Variants in ADGRA1 observed in about 807,000 individuals in gnomAD.
The protein encoded by ADGRA1 is adhesion G protein-coupled receptor A1, also known as G-protein coupled receptor 123.
A neutral mutation model predicts 21.3 loss-of-function variants in ADGRA1; 12 were observed. The ratio of observed to expected loss-of-function variants is 0.56; its 90% CI spans 0.36 to 0.91. The LOEUF is 0.91. ADGRA1 is among the 40% of genes least tolerant of loss of function. The pLI, the probability that ADGRA1 is intolerant of heterozygous loss-of-function variation, is 0.01. For missense variants in ADGRA1, 790 were observed against 805.6 expected, an observed-to-expected ratio of 0.98 and a Z score of 0.23; for synonymous variants, 385 against 368.8, an observed-to-expected ratio of 1.04 and a Z score of -0.50.
chr10:133,091,727 C>A (rs1326437577), intron 2 of ADGRA1, among the ~76,000 whole-genome samples: 1 of 152,230 alleles, frequency 6.6e-6, no homozygotes, highest in Non-Finnish European at 1.5e-5. Flanking sequence ...GGCTGGGGGA[C>A]CCCAGAGACC....
rs778201085 is a variant in ADGRA1 at position 133,102,863 on chromosome 10, C to T, written c.401+21C>T. 18 of 1,591,960 alleles carry T rather than the reference C, an allele frequency of 1.1e-5. No homozygotes were observed. The South Asian group carries it at 1.2e-4, about 11-fold the overall frequency. On this transcript the variant is annotated intron_variant, in intron 5 of 6. Transcript: ENST00000392607. Reference sequence around the variant, plus strand: ...CTCAGGTACTGAGTGCACATGGGCGCGAGGCCCCGCCACCTGGGCCCTGGA... The same window carrying T: ...CTCAGGTACTGAGTGCACATGGGCGTGAGGCCCCGCCACCTGGGCCCTGGA...
intron 5 of ADGRA1, among the ~76,000 whole-genome samples, chr10:133,115,754 C>T (rs1375183160): frequency 6.6e-6 from 1 of 152,154 alleles, no homozygotes; most frequent in Non-Finnish European, 1.5e-5. Context: ...GGCTGCAAGC[C>T]TCCAACCCTC....
intron 2 of ADGRA1, among the ~76,000 whole-genome samples, chr10:133,091,040 A>G (rs1273450790): frequency 6.6e-6 from 1 of 152,266 alleles, no homozygotes; most frequent in Non-Finnish European, 1.5e-5. Context: ...GTTAACGAGC[A>G]AAAGCAAATG....
chr10:133,126,871 TG>T (rs1201769595), intron 5 of ADGRA1, among the ~76,000 whole-genome samples: 1 of 152,030 alleles, frequency 6.6e-6, no homozygotes, highest in African/African-American at 2.4e-5. Flanking sequence ...GGGGACCCGG[TG>T]GGACGCACAG....
chr10:133,117,433 C>T lies in ADGRA1; in HGVS notation c.402-9800C>T, dbSNP rs570902789. ...AGCCCCACAGAGGCCAAGCGCTCAG[C>T]GTGGCCACACCAGACCTGCCCCCTG... On this transcript the variant is annotated intron_variant, in intron 5 of 6. Coordinates refer to ENST00000392607, the MANE Select transcript of ADGRA1 (RefSeq NM_001083909.3). Among the ~76,000 whole-genome samples, 8 of 152,342 alleles carry T rather than the reference C, an allele frequency of 5.3e-5. No homozygotes were observed. In the South Asian group the frequency reaches 6.2e-4, roughly 12 times the overall value.
At chr10:133,101,993 G>A (rs1478272212) in intron 4 of ADGRA1, among the ~76,000 whole-genome samples, 1 of 152,228 alleles carries the variant, frequency 6.6e-6, no homozygotes, top group African/African-American at 2.4e-5. Flanking sequence ...GCGAATCTCT[G>A]TATTCCTTAA....
intron 2 of ADGRA1, chr10:133,093,174 C>A (rs1240367367): frequency 1.3e-6 from 2 of 1,595,456 alleles, no homozygotes; most frequent in African/African-American, 1.3e-5. Context: ...GGACACCTCA[C>A]CCGCAGGGAG....
chr10:133,113,428 A>G (rs1348525063), intron 5 of ADGRA1, among the ~76,000 whole-genome samples: 1 of 152,146 alleles, frequency 6.6e-6, no homozygotes, highest in African/African-American at 2.4e-5. Flanking sequence ...CACCCCATGG[A>G]TGAGTGATTT....
At position 133,127,275 on chromosome 10, in the gene ADGRA1, G is replaced by A. The variant is rs11101941; in HGVS notation, c.444G>A (p.Gly148=). The change falls in exon 6 of 7, where the codon GGG becomes GGA. Residue 148 remains glycine, a synonymous_variant. Transcript: ENST00000392607. The part of the protein sequence containing the change: ...VSGGVPFIIC[G]VTAATNIRNY... ...GAGGGGTCCCCTTTATCATCTGTGGGGTCACGGCTGCCACGAACATCAGGA... is the reference window on the plus strand; with the variant it reads ...GAGGGGTCCCCTTTATCATCTGTGGAGTCACGGCTGCCACGAACATCAGGA... 1.3e-6 allele frequency: 2 copies of A among 1,599,996 alleles called. No homozygotes were observed. The highest frequency in any genetic ancestry group is 1.8e-5 in the Admixed American group (1 of 57,068).
Position 133,102,697 on chromosome 10 carries a change from G to A in ADGRA1, c.256G>A (p.Val86Met). 1 of 1,595,152 alleles carries A rather than the reference G, an allele frequency of 6.3e-7. No individual in the cohort carries two copies. Among genetic ancestry groups the A allele is most frequent in the Non-Finnish European group, 8.6e-7 (1 of 1,165,902 alleles). The change falls in exon 5 of 7, where the codon GTG becomes ATG. Residue 86 changes from valine to methionine, a missense_variant and splice_region_variant. By Grantham distance (21) the Val-to-Met change is conservative. Around this residue, in one of 3 missense-constraint regions of ADGRA1, gnomAD observed 382 missense variants for 415.6 expected, o/e 0.92. Coordinates refer to ENST00000392607, the MANE Select transcript of ADGRA1 (RefSeq NM_001083909.3). ...CTGGCTGACCGCTGCTCCCCCACAG[G>A]TGGGCATCGTGCTGCACTATTCTAC... The part of the protein sequence containing the change: ...RTKYPILCQA[V>M]GIVLHYSTLS...
intron 3 of ADGRA1, among the ~76,000 whole-genome samples, chr10:133,098,203 G>A (rs1419036435): frequency 6.6e-6 from 1 of 152,162 alleles, no homozygotes; most frequent in Admixed American, 6.5e-5. Flanking sequence ...TCAGCCCCAG[G>A]CTATAGCCGG....
rs1396032292 is a variant in ADGRA1, at chr10:133,088,212, C to G, written c.-203+74C>G. 6 of 689,016 alleles carry G rather than the reference C, an allele frequency of 8.7e-6. No homozygotes were observed. In the South Asian group the frequency reaches 2.5e-4, roughly 29 times the overall value. The allele number at this position is 689,016 out of a possible 1,614,324, so 42.7% of individuals were successfully genotyped here. On this transcript the variant is annotated intron_variant, in intron 1 of 6. Coordinates refer to ENST00000392607, the MANE Select transcript of ADGRA1 (RefSeq NM_001083909.3). ...CGGCTCGGCAGAAAAGCTCGCGCCC[C>G]GAGGTGACACTGGCCGCGAGGAAAG... is the stretch of plus-strand genomic sequence containing the variant.
intron 5 of ADGRA1, among the ~76,000 whole-genome samples, chr10:133,114,542 C>T (rs1034217047): frequency 2.0e-5 from 3 of 152,168 alleles, no homozygotes; most frequent in African/African-American, 4.8e-5. Context: ...ACCTTCCTCC[C>T]GACACCCGCG....
chr10:133,113,174 C>T (rs112038016), intron 5 of ADGRA1, among the ~76,000 whole-genome samples: 1,542 of 147,688 alleles, frequency 0.01, 48 homozygotes, highest in African/African-American at 0.036. Context: ...TAAGCCGCGT[C>T]GGTTATTTGA....
intron 5 of ADGRA1, among the ~76,000 whole-genome samples, chr10:133,115,390 C>A (rs1413887612): frequency 4.6e-5 from 7 of 152,210 alleles, no homozygotes; most frequent in East Asian, 1.9e-4. Flanking sequence ...GGGAAACCGA[C>A]AAGGCCTCTG....
Position 133,096,968 on chromosome 10 carries a change from C to T in ADGRA1, c.4-6C>T, listed in dbSNP as rs1422047446. 2.5e-6 allele frequency: 4 copies of T among 1,610,054 alleles called. No individual in the cohort carries two copies. Among genetic ancestry groups the T allele is most frequent in the Admixed American group, 1.7e-5 (1 of 59,918 alleles). ...GTCACACACGTCTCCTTTGCTTTAT[C>T]CTCAGGATCTGAAGACAGTGCTCTC... On this transcript the variant is annotated splice_polypyrimidine_tract_variant and splice_region_variant and intron_variant, in intron 2 of 6. Transcript: ENST00000392607.
chr10:133,121,437 G>T (rs116825284), intron 5 of ADGRA1, among the ~76,000 whole-genome samples: 112 of 151,112 alleles, frequency 7.4e-4, no homozygotes, highest in African/African-American at 2.7e-3. Flanking sequence ...GTCAGTGTGC[G>T]TGTGTGCGTG....
chr10:133,090,589 C>A (rs1225494217), intron 2 of ADGRA1, among the ~76,000 whole-genome samples: 1 of 152,214 alleles, frequency 6.6e-6, no homozygotes, highest in East Asian at 1.9e-4. Context: ...CAGCACGTGT[C>A]TCCAAGTTCA....
At chr10:133,108,760 C>T (rs1262646321) in intron 5 of ADGRA1, among the ~76,000 whole-genome samples, 1 of 152,158 alleles carries the variant, frequency 6.6e-6, no homozygotes, top group Non-Finnish European at 1.5e-5. Context: ...TATCCCAAGA[C>T]AGCTCAATAC....
Sources: allele counts gnomAD v4.1 joint callset (sites outside exome capture counted in the v4.1 genomes callset), GRCh38; gene constraint gnomAD v4.1.1; regional missense constraint gnomAD v4.1.1; transcripts MANE v1.5; gene names NCBI Gene and HGNC (gene_info 2026-07-23, HGNC 2026-07-21).